The following STMN1 variants were observed in gnomAD, a reference collection of about 807,000 sequenced individuals.
The protein encoded by STMN1 is stathmin 1.
STMN1 carries 3 observed loss-of-function variants against 19.7 expected under a neutral mutation model. That is an observed-to-expected ratio of 0.15 (90% CI 0.07 to 0.39). The LOEUF (loss-of-function observed/expected upper bound fraction) is 0.39. Among genes scored for constraint, STMN1 ranks in the 10% least tolerant of loss-of-function variants. The pLI, the probability that STMN1 is intolerant of heterozygous loss-of-function variation, is 1.00. For missense variants in STMN1, 99 were observed against 176.0 expected, an observed-to-expected ratio of 0.56 and a Z score of 2.48; for synonymous variants, 59 against 58.9, an observed-to-expected ratio of 1.00 and a Z score of -0.01.
In STMN1 at chr1:25,900,899, A is replaced by G; in HGVS notation, c.*117T>C. On this transcript the variant is annotated 3_prime_UTR_variant, in exon 5 of 5. Transcript: ENST00000455785. Reference sequence around the variant, plus strand: ...AGTCTGGATCTGGATCTACCTATACAGTCCTACATTAGCTTCTAAAATATT... The same window carrying G: ...AGTCTGGATCTGGATCTACCTATACGGTCCTACATTAGCTTCTAAAATATT... 1 of 1,562,588 alleles carries G rather than the reference A, an allele frequency of 6.4e-7. No individual in the cohort carries two copies. Among genetic ancestry groups the G allele is most frequent in the Non-Finnish European group, 8.6e-7 (1 of 1,156,702 alleles).
At chr1:25,895,096 C>A (rs1256560541) in intron 4 of STMN1, among the ~76,000 whole-genome samples, 1 of 129,154 alleles carries the variant, frequency 7.7e-6, no homozygotes, top group African/African-American at 3.1e-5. Context: ...TTTTATTATA[C>A]GTCTTTTTTT....
chr1:25,885,909 A>G (rs1468617834), intron 4 of STMN1: 1 of 1,526,180 alleles, frequency 6.6e-7, no homozygotes, highest in Non-Finnish European at 8.8e-7. Flanking sequence ...TCTGCAACCC[A>G]GAGGCCAAGG....
intron 4 of STMN1, chr1:25,885,914 C>T: frequency 6.6e-7 from 1 of 1,514,966 alleles, no homozygotes; most frequent in South Asian, 1.3e-5. Context: ...AACCCAGAGG[C>T]CAAGGGACAG....
chr1:25,888,458 C>T (rs2048743452), intron 4 of STMN1, among the ~76,000 whole-genome samples: 1 of 152,142 alleles, frequency 6.6e-6, no homozygotes, highest in African/African-American at 2.4e-5. Flanking sequence ...AGTGCTGGTG[C>T]ATAGTAGGTC....
At position 25,904,664 on chromosome 1, in the gene STMN1, CAGA is replaced by C. The variant is rs781618248; in HGVS notation, c.10_12del (p.Ser4del). On this transcript the variant is annotated inframe_deletion and splice_region_variant, in exon 2 of 5. Transcript: ENST00000455785. ...CAGATTTTCCAAATAGATTACCTAC[CAGA>C]AGAAGCCATGGTGAATAGAAGACAA... 5 of 1,613,396 alleles carry C rather than the reference CAGA, an allele frequency of 3.1e-6. No homozygotes were observed. In the African/African-American group the frequency reaches 6.7e-5, roughly 22 times the overall value.
rs1211052371 is a variant in STMN1 at position 25,906,071 on chromosome 1, AAGGGAGGG to A, written c.-63+310_-63+317del. ...GGGGAACCCGGCGGGGCCCGCAGGG[AAGGGAGGG>A]AGGGAGGGAGGTAAACGAGGGCCCA... On this transcript the variant is annotated intron_variant, in intron 1 of 4. Coordinates refer to ENST00000455785, the MANE Select transcript of STMN1 (RefSeq NM_005563.4). This position sits in a 1 kb window ranked among gnomAD's most constrained non-coding sequence, Gnocchi z 4.5. The A allele has an allele frequency of 1.3e-5, 2 of 151,776 alleles. No individual in the cohort carries two copies. The highest frequency in any genetic ancestry group is 2.0e-4 in the East Asian group (1 of 5,088). 9.4% of individuals were successfully genotyped at this position (151,776 alleles called of 1,614,324 possible).
intron 1 of STMN1, chr1:25,905,756 C>T (rs2048936047): frequency 6.6e-6 from 1 of 152,392 alleles, no homozygotes; most frequent in South Asian, 2.1e-4. Context: ...CCACCACCCC[C>T]TTCACAGTTC....
At chr1:25,905,393 A>G (rs901019721) in intron 1 of STMN1, 2 of 152,282 alleles carry the variant, frequency 1.3e-5, no homozygotes, top group African/African-American at 4.8e-5. Context: ...GTAGGATGAC[A>G]GGTTCCCAAA....
chr1:25,906,055 G>C lies in STMN1; in HGVS notation c.-63+334C>G, dbSNP rs1021575600. On this transcript the variant is annotated intron_variant, in intron 1 of 4. Coordinates refer to ENST00000455785, the MANE Select transcript of STMN1 (RefSeq NM_005563.4). This position sits in a 1 kb window ranked among gnomAD's most constrained non-coding sequence, Gnocchi z 4.5. ...CGTCCCTTCAGACAATGGGGAACCC[G>C]GCGGGGCCCGCAGGGAAGGGAGGGA... is the stretch of plus-strand genomic sequence containing the variant. 2.0e-5 allele frequency: 3 copies of C among 152,158 alleles called. No individual in the cohort carries two copies. Among genetic ancestry groups the C allele is most frequent in the African/African-American group, 4.8e-5 (2 of 41,420 alleles). 9.4% of individuals were successfully genotyped at this position (152,158 alleles called of 1,614,324 possible). A position where few individuals can be genotyped will look rare whatever the true frequency, so the allele number is the denominator to read the frequency against.
rs1186909958 is a variant in STMN1, at chr1:25,904,753, C to T, written c.-62-15G>A. The T allele has an allele frequency of 1.3e-6, 2 of 1,588,546 alleles. No individual in the cohort carries two copies. The highest frequency in any genetic ancestry group is 1.4e-5 in the African/African-American group (1 of 73,620). On this transcript the variant is annotated splice_polypyrimidine_tract_variant and intron_variant, in intron 1 of 4. Coordinates refer to ENST00000455785, the MANE Select transcript of STMN1 (RefSeq NM_005563.4). ...TAAGGAAAGTCCTGAAAATGATTTT[C>T]AAAAACATGCAATCACTTTCTTTGC...
chr1:25,906,438 G>C (rs946166024), upstream of STMN1: 1 of 154,196 alleles, frequency 6.5e-6, no homozygotes, highest in African/African-American at 2.4e-5. This position sits in a 1 kb window ranked among gnomAD's most constrained non-coding sequence, Gnocchi z 4.5. Flanking sequence ...ACAGACCCGG[G>C]CGCGCACAAA....
chr1:25,896,941 A>G (rs2048822471), downstream of STMN1, among the ~76,000 whole-genome samples: 1 of 152,208 alleles, frequency 6.6e-6, no homozygotes. Flanking sequence ...AACCCTGTAG[A>G]GAATCAGTCT....
At position 25,900,762 on chromosome 1, in the gene STMN1, G is replaced by C; in HGVS notation, c.*254C>G. The C allele has an allele frequency of 1.5e-6, 2 of 1,307,466 alleles. No homozygotes were observed. Among genetic ancestry groups the C allele is most frequent in the African/African-American group, 1.5e-5 (1 of 66,898 alleles). 81.0% of individuals were successfully genotyped at this position (1,307,466 alleles called of 1,614,324 possible). A position where few individuals can be genotyped will look rare whatever the true frequency, so the allele number is the denominator to read the frequency against. On this transcript the variant is annotated 3_prime_UTR_variant, in exon 5 of 5. Coordinates refer to ENST00000455785, the MANE Select transcript of STMN1 (RefSeq NM_005563.4). ...ATTAACCCAGTACACCAAGTGTACT[G>C]AAGTAGAAAAGATGCAACAAGAAAA...
chr1:25,890,159 T>C (rs2048759990), intron 4 of STMN1, among the ~76,000 whole-genome samples: 1 of 152,154 alleles, frequency 6.6e-6, no homozygotes, highest in African/African-American at 2.4e-5. Context: ...GAGGCTTGTT[T>C]CGGGTGGTCT....
chr1:25,894,282 C>T lies in STMN1; in HGVS notation c.378+7209G>A, dbSNP rs535461565. On this transcript the variant is annotated intron_variant, in intron 4 of 4. Transcript: ENST00000426559. ...GGCTGTGATGGGTGCAGCTGCAGGC[C>T]CATCTCCACCAGGCTGTTGGGGACT... 6.6e-5 allele frequency among the ~76,000 whole-genome samples: 10 copies of T among 152,162 alleles called. No individual in the cohort carries two copies. In the South Asian group the frequency reaches 2.1e-3, roughly 32 times the overall value.
At chr1:25,886,807 C>T (rs1271786403) in intron 4 of STMN1, among the ~76,000 whole-genome samples, 2 of 151,956 alleles carry the variant, frequency 1.3e-5, no homozygotes. Flanking sequence ...AGGATCGTTT[C>T]GATCTCTTGA....
chr1:25,897,338 A>C (rs1165320823), downstream of STMN1, among the ~76,000 whole-genome samples: 4 of 151,588 alleles, frequency 2.6e-5, no homozygotes, highest in Non-Finnish European at 5.9e-5. Context: ...AAAAGAAAAA[A>C]TTTGGCCTTT....
chr1:25,894,639 C>T (rs2048803357), intron 4 of STMN1, among the ~76,000 whole-genome samples: 1 of 152,110 alleles, frequency 6.6e-6, no homozygotes, highest in Admixed American at 6.5e-5. Context: ...GTGTTTGCAC[C>T]ACTGCACTCC....
chr1:25,901,033 C>T lies in STMN1; in HGVS notation c.433G>A (p.Glu145Lys), dbSNP rs769436611. The change falls in exon 5 of 5, where the codon GAG becomes AAG. Residue 145 changes from glutamate (E) to lysine (K), a missense_variant. Glu to Lys is a moderately conservative substitution (Grantham distance 56). This residue lies in a region of STMN1 where 54 missense variants were observed against 79.4 expected (regional missense o/e 0.68). Transcript: ENST00000455785. Reference protein sequence around the residue: ...KNKESKDPADETEAD With the variant: ...KNKESKDPADKTEAD ...AGAACAAATTAGTCAGCTTCAGTCT[C>T]GTCAGCAGGGTCTTTGGATTCTTTG... The T allele has an allele frequency of 5.6e-6, 9 of 1,611,220 alleles. No individual in the cohort carries two copies. Among genetic ancestry groups the T allele is most frequent in the Non-Finnish European group, 6.8e-6 (8 of 1,179,128 alleles).
Sources: allele counts gnomAD v4.1 joint callset (sites outside exome capture counted in the v4.1 genomes callset), GRCh38; gene constraint gnomAD v4.1.1; regional missense constraint gnomAD v4.1.1; non-coding constraint Gnocchi (gnomAD v3.1); transcripts MANE v1.5; gene names NCBI Gene and HGNC (gene_info 2026-07-23, HGNC 2026-07-21).